Variants in SLC22A9 observed in about 807,000 individuals in gnomAD.
SLC22A9 encodes the protein solute carrier family 22 member 9.
A neutral mutation model predicts 50.1 loss-of-function variants in SLC22A9; 64 were observed. The observed-to-expected ratio is 1.28, with a 90% CI of 1.04 to 1.57. SLC22A9 has a LOEUF of 1.57. Among genes scored for constraint, SLC22A9 ranks in the 40% most tolerant of loss-of-function variants. The pLI, the probability that SLC22A9 is intolerant of heterozygous loss-of-function variation, is 0.00. For synonymous variants in SLC22A9, 261 were observed against 242.5 expected (o/e 1.08, Z -0.71); for missense variants, 757 against 676.1 (o/e 1.12, Z -1.33).
At chr11:63,387,108 G>C (rs2014683269) in intron 6 of SLC22A9, among the ~76,000 whole-genome samples, 1 of 151,684 alleles carries the variant, frequency 6.6e-6, no homozygotes, top group Non-Finnish European at 1.5e-5. Flanking sequence ...TGTTCTCCTT[G>C]GTTTCAAAGA....
intron 5 of SLC22A9, among the ~76,000 whole-genome samples, chr11:63,376,352 G>A (rs2014461055): frequency 6.6e-6 from 1 of 152,012 alleles, no homozygotes; most frequent in Non-Finnish European, 1.5e-5. Flanking sequence ...TGACTAAGTG[G>A]AAATGCCTGT....
intron 4 of SLC22A9, among the ~76,000 whole-genome samples, chr11:63,374,676 C>G (rs1021030625): frequency 6.6e-6 from 1 of 151,960 alleles, no homozygotes; most frequent in African/African-American, 2.4e-5. Flanking sequence ...TTCCCCAATA[C>G]AGGAAAACAT....
chr11:63,374,152 G>T (rs1017614304), intron 4 of SLC22A9, 90 bp downstream of exon 4: 5 of 1,276,398 alleles, frequency 3.9e-6, no homozygotes, highest in Non-Finnish European at 1.1e-6. Flanking sequence ...TTTGTTCTTT[G>T]TGTAAACCTG....
intron 6 of SLC22A9, among the ~76,000 whole-genome samples, chr11:63,402,938 A>T (rs1228546007): frequency 6.6e-6 from 1 of 152,162 alleles, no homozygotes; most frequent in Non-Finnish European, 1.5e-5. Flanking sequence ...ACACATATAC[A>T]TGCTCATCAA....
rs148371788 is a variant in SLC22A9 at position 63,373,735 on chromosome 11, T to A, written c.598T>A (p.Cys200Ser). The A allele has an allele frequency of 5.6e-6, 9 of 1,613,506 alleles. No individual in the cohort carries two copies. Among genetic ancestry groups the A allele is most frequent in the Non-Finnish European group, 5.9e-6 (7 of 1,179,638 alleles). Residue 200 changes from cysteine (C) to serine (S), a missense_variant, in exon 3 of 10, where the codon TGC (cysteine) becomes AGC (serine). Transcript: ENST00000279178. ...CTTGGCTCCCACCTTCCTCATTTAC[T>A]GCTCACTACGCTTCTTGTCTGGGAT... ...AALAPTFLIY[C>S]SLRFLSGIAA...
chr11:63,393,053 A>T (rs1382229804), intron 6 of SLC22A9, among the ~76,000 whole-genome samples: 1 of 152,082 alleles, frequency 6.6e-6, no homozygotes, highest in African/African-American at 2.4e-5. Context: ...TGGGAATCGC[A>T]TTGAATTTGT....
At chr11:63,408,627 C>A in intron 8 of SLC22A9, 49 bp from the exon 9 acceptor site, 1 of 1,528,150 alleles carries the variant, frequency 6.5e-7, no homozygotes, top group Non-Finnish European at 9.0e-7. Flanking sequence ...CACAAATTGC[C>A]TGTGTGGATT....
intron 6 of SLC22A9, among the ~76,000 whole-genome samples, chr11:63,394,052 T>C (rs1280241756): frequency 6.6e-6 from 1 of 152,184 alleles, no homozygotes; most frequent in Non-Finnish European, 1.5e-5. Context: ...TGATCTTCAA[T>C]CTCTGATATC....
chr11:63,388,484 T>G (rs972002108), intron 6 of SLC22A9, among the ~76,000 whole-genome samples: 3 of 152,250 alleles, frequency 2.0e-5, no homozygotes, highest in Admixed American at 6.5e-5. Flanking sequence ...CTAACCAATA[T>G]GCATATGTTT....
At chr11:63,394,081 A>G (rs1036214072) in intron 6 of SLC22A9, among the ~76,000 whole-genome samples, 7 of 152,070 alleles carry the variant, frequency 4.6e-5, no homozygotes, top group Admixed American at 1.3e-4. Context: ...CGTTTGATCA[A>G]TTCAGCTATT....
intron 6 of SLC22A9, among the ~76,000 whole-genome samples, chr11:63,402,117 T>C (rs2014961595): frequency 2.6e-5 from 4 of 152,128 alleles, no homozygotes; most frequent in Admixed American, 2.6e-4. Context: ...TTGGTTTAAT[T>C]AGTTCCTGCT....
chr11:63,374,021 G>T lies in SLC22A9; in HGVS notation c.789G>T (p.Leu263=). The T allele has an allele frequency of 1.2e-6, 2 of 1,613,444 alleles. No homozygotes were observed. Among genetic ancestry groups the T allele is most frequent in the Non-Finnish European group, 1.7e-6 (2 of 1,179,678 alleles). ...TTCGAGACTGGCATATCCTCCAGCT[G>T]GTGGTGTCTGTACCATACTTTGTGA... ...FAIRDWHILQ[L]VVSVPYFVIF... Residue 263 remains leucine, a synonymous_variant, in exon 4 of 10, where the codon CTG becomes CTT. Transcript: ENST00000279178.
Position 63,409,875 on chromosome 11 carries a change from GCTGA to G in SLC22A9, c.*17_*20del, listed in dbSNP as rs2015109094. ...GACGCAGTTTTAAGGAATTCCAGGA[GCTGA>G]CTGCCGATCAATGAGCCAGATGAAG... On this transcript the variant is annotated 3_prime_UTR_variant, in exon 10 of 10. Transcript: ENST00000279178. 2 of 1,613,162 alleles carry G rather than the reference GCTGA, an allele frequency of 1.2e-6. No individual in the cohort carries two copies. Among genetic ancestry groups the G allele is most frequent in the Non-Finnish European group, 1.7e-6 (2 of 1,179,594 alleles).
intron 6 of SLC22A9, among the ~76,000 whole-genome samples, chr11:63,392,707 T>C (rs2014785202): frequency 6.6e-6 from 1 of 152,096 alleles, no homozygotes; most frequent in Non-Finnish European, 1.5e-5. Flanking sequence ...GAAGTCTCTT[T>C]TTTTGCAACA....
intron 5 of SLC22A9, among the ~76,000 whole-genome samples, chr11:63,381,430 C>A (rs1440058965): frequency 6.6e-6 from 1 of 152,082 alleles, no homozygotes; most frequent in Non-Finnish European, 1.5e-5. Context: ...GTTTTTTTAA[C>A]AGGTACAAAA....
chr11:63,392,806 C>T (rs1287743101), intron 6 of SLC22A9, among the ~76,000 whole-genome samples: 2 of 152,092 alleles, frequency 1.3e-5, no homozygotes, highest in Non-Finnish European at 2.9e-5. Flanking sequence ...TTACACAAAA[C>T]CAAATGTTGA....
At position 63,399,315 on chromosome 11, in the gene SLC22A9, C is replaced by T. The variant is rs138280552; in HGVS notation, c.1074-7182C>T. ...AAGTTCCTACAAGTAATGTACTTCACCTGTAAAATTACACCTGCACTAGAA... is the reference window on the plus strand; with the variant it reads ...AAGTTCCTACAAGTAATGTACTTCATCTGTAAAATTACACCTGCACTAGAA... On this transcript the variant is annotated intron_variant, in intron 6 of 9. Transcript: ENST00000279178. Among the ~76,000 whole-genome samples the T allele has an allele frequency of 2.5e-3, 376 of 152,206 alleles. 2 individuals carry two copies. The highest frequency in any genetic ancestry group is 8.4e-3 in the African/African-American group (351 of 41,546).
intron 6 of SLC22A9, among the ~76,000 whole-genome samples, chr11:63,396,586 G>A (rs1435882344): frequency 6.6e-6 from 1 of 152,146 alleles, no homozygotes; most frequent in Non-Finnish European, 1.5e-5. Flanking sequence ...CCTCCAAAGG[G>A]TCTGTGGGTC....
At chr11:63,379,999 T>C (rs1001200863) in intron 5 of SLC22A9, among the ~76,000 whole-genome samples, 2 of 152,090 alleles carry the variant, frequency 1.3e-5, no homozygotes, top group African/African-American at 4.8e-5. Flanking sequence ...CCCAAAGTGC[T>C]GGGATTACAA....
Sources: allele counts gnomAD v4.1 joint callset (sites outside exome capture counted in the v4.1 genomes callset), GRCh38; gene constraint gnomAD v4.1.1; transcripts MANE v1.5; gene names NCBI Gene and HGNC (gene_info 2026-07-23, HGNC 2026-07-21).